Variants in BMPER observed in about 807,000 individuals in gnomAD.
BMPER encodes BMP-binding endothelial regulator protein.
A neutral mutation model predicts 87.3 loss-of-function variants in BMPER; 45 were observed. The observed-to-expected ratio is 0.52, with a 90% CI of 0.41 to 0.66. BMPER has a LOEUF of 0.66. Ranked by LOEUF, BMPER falls within the 30% of genes least tolerant of loss-of-function variation. The pLI is 0.00. For missense variants in BMPER, 784 were observed against 867.5 expected (o/e 0.90, Z 1.21); for synonymous variants, 326 against 316.2 (o/e 1.03, Z -0.33).
chr7:33,907,931 G>T (rs1348349861), intron 2 of BMPER, among the ~76,000 whole-genome samples: 2 of 152,218 alleles, frequency 1.3e-5, no homozygotes, highest in Non-Finnish European at 2.9e-5. Flanking sequence ...ATGTTTTGAA[G>T]TGATAAATGG....
chr7:34,031,863 G>C (rs575274011), intron 6 of BMPER, among the ~76,000 whole-genome samples: 1,186 of 116,884 alleles, frequency 0.01, 19 homozygotes, highest in African/African-American at 0.035. Flanking sequence ...GAGCTGCATG[G>C]CATTTAAAAT....
chr7:34,019,234 A>C (rs1289612212), intron 6 of BMPER, among the ~76,000 whole-genome samples: 1 of 152,012 alleles, frequency 6.6e-6, no homozygotes, highest in Non-Finnish European at 1.5e-5. Flanking sequence ...AACAGTTTGC[A>C]TACAGTGGAG....
chr7:34,052,815 T>G lies in BMPER; in HGVS notation c.786+845T>G, dbSNP rs116106928. Among the ~76,000 whole-genome samples, 1,358 of 152,292 alleles carry G rather than the reference T, an allele frequency of 8.9e-3. 18 individuals are homozygous for G. The highest frequency in any genetic ancestry group is 0.031 in the African/African-American group (1,285 of 41,568). On this transcript the variant is annotated intron_variant, in intron 8 of 14. Coordinates refer to ENST00000649409, the MANE Select transcript of BMPER (RefSeq NM_001365308.1). ...TGCTTTGTTCAGTAGCATGCACCAC[T>G]TCAGCGGGTGGTTGGTTAAGGGCTG...
chr7:34,053,172 G>C (rs1449203821), intron 8 of BMPER, among the ~76,000 whole-genome samples: 1 of 152,128 alleles, frequency 6.6e-6, no homozygotes, highest in African/African-American at 2.4e-5. Context: ...TAGGTAATAC[G>C]TCTCTGTGCG....
chr7:33,914,212 G>T lies in BMPER; in HGVS notation c.219+7309G>T, dbSNP rs183060756. Among the ~76,000 whole-genome samples the T allele has an allele frequency of 2.6e-3, 388 of 152,008 alleles. 2 individuals carry two copies. The highest frequency in any genetic ancestry group is 0.017 in the Middle Eastern group (5 of 294). On this transcript the variant is annotated intron_variant, in intron 2 of 14. Transcript: ENST00000649409. ...GATCTCCTGACCTCGTGATCTGCCC[G>T]CCTCGGTCTCCCAAAGTGCTGGGAC...
chr7:33,951,744 C>A lies in BMPER; in HGVS notation c.319+14356C>A, dbSNP rs547363679. Among the ~76,000 whole-genome samples, 3 of 152,234 alleles carry A rather than the reference C, an allele frequency of 2.0e-5. No homozygotes were observed. In the South Asian group the frequency reaches 6.2e-4, roughly 32 times the overall value. ...AAATTGGAACTAAGTTTCAATCTTCCTAGTTCAGCATGTGTCTCATGATGT... is the reference window on the plus strand; with the variant it reads ...AAATTGGAACTAAGTTTCAATCTTCATAGTTCAGCATGTGTCTCATGATGT... On this transcript the variant is annotated intron_variant, in intron 3 of 14. Transcript: ENST00000649409.
intron 13 of BMPER, among the ~76,000 whole-genome samples, chr7:34,100,854 C>CA (rs1311731864): frequency 6.6e-6 from 1 of 152,170 alleles, no homozygotes; most frequent in East Asian, 1.9e-4. Context: ...CGTATACACA[C>CA]AGAGACACAC....
At chr7:33,957,013 C>G (rs1009995098) in intron 3 of BMPER, among the ~76,000 whole-genome samples, 14 of 151,958 alleles carry the variant, frequency 9.2e-5, no homozygotes, top group Admixed American at 3.3e-4. Flanking sequence ...GTTTAGCCAC[C>G]CTGGAAGTCA....
intron 13 of BMPER, among the ~76,000 whole-genome samples, chr7:34,097,521 G>A (rs1285558510): frequency 6.6e-6 from 1 of 152,106 alleles, no homozygotes; most frequent in East Asian, 1.9e-4. Context: ...CAAGTAGTTT[G>A]TTATACCTAT....
At chr7:33,963,985 A>G (rs1193768838) in intron 3 of BMPER, among the ~76,000 whole-genome samples, 2 of 152,192 alleles carry the variant, frequency 1.3e-5, no homozygotes. Context: ...TGTTTACCCT[A>G]TTAGCAGCAT....
At chr7:34,053,897 T>C (rs2127961325) in intron 8 of BMPER, among the ~76,000 whole-genome samples, 1 of 152,340 alleles carries the variant, frequency 6.6e-6, no homozygotes, top group South Asian at 2.1e-4. Flanking sequence ...GTTTTCTGCA[T>C]GCAGGATGGT....
intron 13 of BMPER, among the ~76,000 whole-genome samples, chr7:34,097,754 G>A (rs1789566765): frequency 6.6e-6 from 1 of 152,068 alleles, no homozygotes; most frequent in Admixed American, 6.5e-5. Context: ...ATTCCTTTGG[G>A]TCACCAAGAG....
intron 13 of BMPER, among the ~76,000 whole-genome samples, chr7:34,123,823 G>A (rs1203667366): frequency 1.3e-5 from 2 of 152,006 alleles, no homozygotes; most frequent in Non-Finnish European, 2.9e-5. Flanking sequence ...CAGCTAATTA[G>A]GATCCACATT....
At chr7:34,015,672 G>C (rs1047460896) in intron 6 of BMPER, among the ~76,000 whole-genome samples, 1 of 151,936 alleles carries the variant, frequency 6.6e-6, no homozygotes, top group Non-Finnish European at 1.5e-5. Flanking sequence ...ATCTGTCAGA[G>C]AAATATCAGT....
At chr7:34,004,896 G>A (rs953963518) in intron 6 of BMPER, among the ~76,000 whole-genome samples, 3 of 152,076 alleles carry the variant, frequency 2.0e-5, no homozygotes, top group Non-Finnish European at 4.4e-5. Flanking sequence ...TTGGGCATGC[G>A]TGGTGCCTTG....
At chr7:34,111,753 G>C (rs1789968623) in intron 13 of BMPER, among the ~76,000 whole-genome samples, 2 of 151,974 alleles carry the variant, frequency 1.3e-5, no homozygotes, top group South Asian at 4.2e-4. Flanking sequence ...CACTCTTATT[G>C]CCCAGGCTGG....
chr7:34,107,569 T>TC (rs1245327868), intron 13 of BMPER, among the ~76,000 whole-genome samples: 2 of 152,218 alleles, frequency 1.3e-5, no homozygotes, highest in African/African-American at 4.8e-5. Context: ...AGGTTTTTTT[T>TC]CGGAAGTAAA....
chr7:34,146,813 T>C (rs114295917), intron 14 of BMPER, among the ~76,000 whole-genome samples: 2 of 152,300 alleles, frequency 1.3e-5, no homozygotes, highest in East Asian at 1.9e-4. Flanking sequence ...AAAGAATGCA[T>C]ATTTATGTGC....
intron 6 of BMPER, among the ~76,000 whole-genome samples, chr7:33,996,022 A>G (rs909704818): frequency 7.2e-5 from 11 of 152,226 alleles, no homozygotes; most frequent in African/African-American, 2.2e-4. Flanking sequence ...TTCTTGGCAA[A>G]CAATACCCAG....
Sources: allele counts gnomAD v4.1 joint callset (sites outside exome capture counted in the v4.1 genomes callset), GRCh38; gene constraint gnomAD v4.1.1; transcripts MANE v1.5; gene names NCBI Gene and HGNC (gene_info 2026-07-23, HGNC 2026-07-21).